The following PLEKHA4 variants were observed in gnomAD, a reference collection of about 807,000 sequenced individuals.
The protein encoded by PLEKHA4 is pleckstrin homology domain-containing family A member 4.
A neutral mutation model predicts 94.7 loss-of-function variants in PLEKHA4; 73 were observed. That is an observed-to-expected ratio of 0.77 (90% CI 0.64 to 0.94). The LOEUF (loss-of-function observed/expected upper bound fraction) is 0.94, where lower values mean the gene tolerates loss of function less well. Among genes scored for constraint, PLEKHA4 ranks in the 40% least tolerant of loss-of-function variants. The pLI is 0.00. For missense variants in PLEKHA4, 1,049 were observed against 1,054.1 expected (o/e 1.00, Z 0.07); for synonymous variants, 449 against 437.1 (o/e 1.03, Z -0.34).
At chr19:48,865,174 T>C (rs1276622070) in intron 3 of PLEKHA4, among the ~76,000 whole-genome samples, 2 of 151,926 alleles carry the variant, frequency 1.3e-5, no homozygotes, top group Non-Finnish European at 2.9e-5. Context: ...TAAAACCCCA[T>C]CTCTACTAAA....
Position 48,845,560 on chromosome 19 carries a change from C to T in PLEKHA4, c.1623G>A (p.Gly541=), listed in dbSNP as rs2035937193. 5 of 1,611,002 alleles carry T rather than the reference C, an allele frequency of 3.1e-6. No individual in the cohort carries two copies. The East Asian group carries it at 8.9e-5, about 29-fold the overall frequency. ...GGTCTTTGTCGCCTCCAGGAGGCCG[C>T]CCCCAGTCAGTCTCGGGGGACCTAG... ...SSPRSPETDW[G]RPPGGDKDLA... is the part of the protein sequence containing the mutation. Residue 541 remains glycine (G), a synonymous_variant, in exon 15 of 20, where the codon GGG becomes GGA. Transcript: ENST00000263265.
chr19:48,854,575 A>G (rs2036332116), intron 9 of PLEKHA4, among the ~76,000 whole-genome samples: 1 of 150,736 alleles, frequency 6.6e-6, no homozygotes, highest in African/African-American at 2.4e-5. Flanking sequence ...TGGTTTTGGT[A>G]GCGATGGGGT....
intron 5 of PLEKHA4, among the ~76,000 whole-genome samples, chr19:48,860,899 TGGAAAGGAAA>T (rs368964169): frequency 1.8e-5 from 2 of 108,246 alleles, no homozygotes; most frequent in South Asian, 2.6e-4. Context: ...GAAAGGAAAA[TGGAAAGGAAA>T]GGAAAGGAAA....
chr19:48,863,199 G>A (rs925439528), intron 3 of PLEKHA4, among the ~76,000 whole-genome samples: 4 of 152,134 alleles, frequency 2.6e-5, no homozygotes, highest in South Asian at 2.1e-4. Flanking sequence ...AGAGAATTAA[G>A]AACACTTGAA....
chr19:48,838,230 TTAGA>T (rs765609134), intron 18 of PLEKHA4, 101 bp from the exon 19 acceptor site: 232 of 642,196 alleles, frequency 3.6e-4, no homozygotes, highest in South Asian at 9.5e-4. Context: ...AGACCTACTA[TTAGA>T]TAGCACAACA....
intron 2 of PLEKHA4, among the ~76,000 whole-genome samples, chr19:48,865,968 C>T (rs1269030095): frequency 4.0e-5 from 6 of 150,574 alleles, no homozygotes; most frequent in East Asian, 2.0e-4. Flanking sequence ...GAGCCGAGAT[C>T]GCACCACTGC....
At chr19:48,854,126 C>T (rs762619111) in intron 10 of PLEKHA4, 39 bp from the exon 11 acceptor site, 1 of 1,613,848 alleles carries the variant, frequency 6.2e-7, no homozygotes, top group Admixed American at 1.7e-5. Flanking sequence ...TGGTCCAGAT[C>T]TGGCTCTTCC....
Position 48,867,549 on chromosome 19 carries a change from G to C in PLEKHA4, c.72C>G (p.Ser24Arg), listed in dbSNP as rs754647306. 10 of 1,598,386 alleles carry C rather than the reference G, an allele frequency of 6.3e-6. No homozygotes were observed. The highest frequency in any genetic ancestry group is 6.8e-6 in the Non-Finnish European group (8 of 1,175,122). The change falls in exon 2 of 20, where the codon AGC (serine) becomes AGG (arginine). Residue 24 changes from serine (S) to arginine (R), a missense_variant. Coordinates refer to ENST00000263265, the MANE Select transcript of PLEKHA4 (RefSeq NM_020904.3). The surrounding 1 kb of genome is among the most constrained non-coding windows in gnomAD (Gnocchi z 4.7). ...AGGAAGCTCAAACCTTGGGGCTCAG[G>C]CTGCTGAGCGAGGAGATGGTGGAGG... is the stretch of plus-strand genomic sequence containing the variant. ...SSASTISSLS[S>R]LSPKKPTRAV...
At position 48,852,304 on chromosome 19, in the gene PLEKHA4, G is replaced by A. The variant is rs770785626; in HGVS notation, c.1349C>T (p.Thr450Met). ...CAGCTCCTGCTCCAGGCCACTGTAC[G>A]TGTCCCAAACCCTCTCTCGCTCCTC... ...LTQERERVWD[T>M]YSGLEQELGT... The change falls in exon 13 of 20, where the codon ACG becomes ATG. Residue 450 changes from threonine (T) to methionine (M), a missense_variant. By Grantham distance (81) the Thr-to-Met change is moderately conservative. Transcript: ENST00000263265. The A allele has an allele frequency of 9.3e-6, 15 of 1,613,840 alleles. No individual in the cohort carries two copies. In the East Asian group the frequency reaches 1.1e-4, roughly 12 times the overall value.
intron 9 of PLEKHA4, among the ~76,000 whole-genome samples, chr19:48,856,684 A>C (rs112536714): frequency 0.18 from 26,465 of 148,478 alleles, 2,496 homozygotes; most frequent in African/African-American, 0.25. Flanking sequence ...CGCCACTGCA[A>C]TCCAGCCTGG....
chr19:48,864,802 C>T (rs970619987), intron 3 of PLEKHA4, among the ~76,000 whole-genome samples: 20 of 152,142 alleles, frequency 1.3e-4, no homozygotes, highest in Non-Finnish European at 2.9e-5. Flanking sequence ...AATTCCTAAG[C>T]TCAAGCGATC....
chr19:48,850,625 C>CG (rs1568542207), intron 13 of PLEKHA4, among the ~76,000 whole-genome samples: 1 of 151,908 alleles, frequency 6.6e-6, no homozygotes, highest in African/African-American at 2.4e-5. Context: ...CAAGACCAGC[C>CG]GGACCAACAT....
chr19:48,862,204 C>CTTTTTTTTTTT (rs747491446), intron 3 of PLEKHA4, among the ~76,000 whole-genome samples: 1 of 135,526 alleles, frequency 7.4e-6, no homozygotes. Context: ...TTTTCTCTCT[C>CTTTTTTTTTTT]TTTTTTTTTT....
intron 3 of PLEKHA4, among the ~76,000 whole-genome samples, chr19:48,863,476 G>T (rs2123164146): frequency 6.7e-6 from 1 of 149,396 alleles, no homozygotes; most frequent in East Asian, 1.9e-4. Flanking sequence ...TGTCACCCAG[G>T]CTGGAGTGCA....
intron 5 of PLEKHA4, among the ~76,000 whole-genome samples, chr19:48,860,769 C>A (rs1440585099): frequency 7.6e-6 from 1 of 130,890 alleles, no homozygotes; most frequent in Non-Finnish European, 1.6e-5. Context: ...GCAAGACCGT[C>A]AAGAAAGAAA....
chr19:48,850,374 C>A (rs2036136384), intron 13 of PLEKHA4, among the ~76,000 whole-genome samples: 1 of 151,792 alleles, frequency 6.6e-6, no homozygotes, highest in African/African-American at 2.4e-5. Context: ...CATGGTGGCA[C>A]ACACCTGTAG....
chr19:48,865,724 T>G, intron 2 of PLEKHA4, 114 bp from the exon 3 acceptor site: 2 of 676,782 alleles, frequency 3.0e-6, no homozygotes, highest in Non-Finnish European at 5.2e-6. Flanking sequence ...GAGAAATGGG[T>G]CAAGGACCAG....
chr19:48,850,825 T>C lies in PLEKHA4; in HGVS notation c.1425+1403A>G, dbSNP rs556315216. ...GAACGAGACTCTATCTCAAAAAATA[T>C]AATAAAATAAATAAAATAAAAATAA... On this transcript the variant is annotated intron_variant, in intron 13 of 19. Transcript: ENST00000263265. Among the ~76,000 whole-genome samples the C allele has an allele frequency of 4.0e-5, 6 of 149,502 alleles. No homozygotes were observed. In the East Asian group the frequency reaches 1.2e-3, roughly 30 times the overall value.
chr19:48,852,635 A>G (rs1356039004), intron 12 of PLEKHA4, among the ~76,000 whole-genome samples: 1 of 152,110 alleles, frequency 6.6e-6, no homozygotes, highest in Non-Finnish European at 1.5e-5. Flanking sequence ...TAGACAGTTA[A>G]AAGACCACAG....
Sources: gnomAD v4.1 joint callset for allele counts (sites outside exome capture counted in the v4.1 genomes callset) on GRCh38, gnomAD v4.1.1 for gene constraint, Gnocchi (gnomAD v3.1) non-coding constraint, MANE v1.5 for transcripts, NCBI Gene and HGNC (gene_info 2026-07-23, HGNC 2026-07-21) for gene names.